Variants in ANKS1B observed in about 807,000 individuals in gnomAD.
ANKS1B encodes ankyrin repeat and sterile alpha motif domain-containing protein 1B.
A neutral mutation model predicts 148.3 loss-of-function variants in ANKS1B; 36 were observed. The observed-to-expected ratio is 0.24, with a 90% confidence interval of 0.19 to 0.32. ANKS1B has a LOEUF of 0.32. Ranked by LOEUF, ANKS1B falls within the 10% of genes least tolerant of loss-of-function variation. The pLI, the probability that ANKS1B is intolerant of heterozygous loss-of-function variation, is 1.00. For missense variants in ANKS1B, 1,157 were observed against 1,542.6 expected (o/e 0.75, Z 4.19); for synonymous variants, 542 against 560.8 (o/e 0.97, Z 0.47).
intron 12 of ANKS1B, among the ~76,000 whole-genome samples, chr12:99,256,945 A>C (rs563167299): frequency 3.9e-5 from 6 of 152,232 alleles, no homozygotes; most frequent in Non-Finnish European, 8.8e-5. Flanking sequence ...TACATTTTTT[A>C]AAAAAATTAT....
At chr12:99,613,514 T>C (rs977260006) in intron 9 of ANKS1B, among the ~76,000 whole-genome samples, 1 of 151,996 alleles carries the variant, frequency 6.6e-6, no homozygotes, top group African/African-American at 2.4e-5. Context: ...CAGAATACCA[T>C]GCAGCCATAA....
chr12:99,517,979 T>C (rs1044764231), intron 9 of ANKS1B, among the ~76,000 whole-genome samples: 1 of 152,308 alleles, frequency 6.6e-6, no homozygotes, highest in East Asian at 1.9e-4. Context: ...GAAATGATCA[T>C]ATGGTTTTTA....
chr12:99,537,886 T>C (rs1018292540), intron 9 of ANKS1B, among the ~76,000 whole-genome samples: 16 of 152,160 alleles, frequency 1.1e-4, no homozygotes, highest in Non-Finnish European at 7.4e-5. Context: ...GTTTCATGGT[T>C]TGAGGGATTT....
chr12:99,292,472 G>A (rs1382683158), intron 12 of ANKS1B, among the ~76,000 whole-genome samples: 7 of 149,678 alleles, frequency 4.7e-5, no homozygotes, highest in Non-Finnish European at 8.9e-5. Context: ...CCAAAATCAC[G>A]CCACTGCACT....
intron 8 of ANKS1B, among the ~76,000 whole-genome samples, chr12:99,732,367 A>G (rs1167961552): frequency 6.6e-6 from 1 of 152,228 alleles, no homozygotes; most frequent in African/African-American, 2.4e-5. Flanking sequence ...TATTAATTAC[A>G]GCCAAAATCT....
At chr12:99,723,531 C>T (rs1044438783) in intron 8 of ANKS1B, among the ~76,000 whole-genome samples, 2 of 152,112 alleles carry the variant, frequency 1.3e-5, no homozygotes, top group Non-Finnish European at 2.9e-5. Flanking sequence ...TGACCACAGT[C>T]TCTGAGGACC....
chr12:99,271,690 A>ATATG (rs2077063980), intron 12 of ANKS1B, among the ~76,000 whole-genome samples: 1 of 143,958 alleles, frequency 6.9e-6, no homozygotes, highest in South Asian at 2.1e-4. Context: ...ATATATATAT[A>ATATG]TATTTACTAA....
intron 12 of ANKS1B, among the ~76,000 whole-genome samples, chr12:99,369,007 C>G (rs11836299): frequency 6.6e-6 from 1 of 151,948 alleles, no homozygotes; most frequent in Non-Finnish European, 1.5e-5. Context: ...TAAACCCTTA[C>G]GTGAAAGTTC....
At chr12:98,985,003 T>G (rs1000802623) in intron 17 of ANKS1B, among the ~76,000 whole-genome samples, 2 of 152,248 alleles carry the variant, frequency 1.3e-5, no homozygotes, top group Non-Finnish European at 2.9e-5. Flanking sequence ...AAAGTGAGAC[T>G]GTCTCAATCA....
intron 17 of ANKS1B, among the ~76,000 whole-genome samples, chr12:98,952,094 T>A (rs1444796728): frequency 6.6e-6 from 1 of 152,226 alleles, no homozygotes; most frequent in East Asian, 1.9e-4. Context: ...GAGAACTGCA[T>A]ATAAACTGCA....
rs549832662 is a variant in ANKS1B at position 99,495,700 on chromosome 12, G to T, written c.1438+8776C>A. ...TTGTGTGTAAAATAATGCTTCCATG[G>T]GGCTCAAAAATAGTTTGCTCTCTTA... On this transcript the variant is annotated intron_variant, in intron 10 of 26. Coordinates refer to ENST00000683438, the MANE Select transcript of ANKS1B (RefSeq NM_001352186.2). Among the ~76,000 whole-genome samples the T allele has an allele frequency of 2.6e-5, 4 of 152,170 alleles. No individual in the cohort carries two copies. In the South Asian group the frequency reaches 8.3e-4, roughly 32 times the overall value.
At chr12:99,661,184 T>C (rs1046241301) in intron 8 of ANKS1B, among the ~76,000 whole-genome samples, 7 of 152,166 alleles carry the variant, frequency 4.6e-5, no homozygotes, top group Admixed American at 3.9e-4. Context: ...CAAATCTTCA[T>C]GATTTAGCAG....
intron 8 of ANKS1B, among the ~76,000 whole-genome samples, chr12:99,715,231 C>G (rs572322126): frequency 6.6e-6 from 1 of 152,178 alleles, no homozygotes; most frequent in African/African-American, 2.4e-5. Context: ...GTAACCTGCA[C>G]GTACACATCC....
chr12:99,338,279 A>G (rs1302230155), intron 12 of ANKS1B, among the ~76,000 whole-genome samples: 2 of 152,074 alleles, frequency 1.3e-5, no homozygotes, highest in East Asian at 3.9e-4. Context: ...CCTTTCCTCA[A>G]GCAGTAGTCT....
At chr12:98,937,253 T>C (rs927367169) in intron 17 of ANKS1B, among the ~76,000 whole-genome samples, 2 of 152,208 alleles carry the variant, frequency 1.3e-5, no homozygotes, top group African/African-American at 2.4e-5. Flanking sequence ...GGACATAGCA[T>C]TACATTTATG....
intron 12 of ANKS1B, among the ~76,000 whole-genome samples, chr12:99,374,986 T>C (rs1405533606): frequency 6.6e-6 from 1 of 152,236 alleles, no homozygotes; most frequent in Non-Finnish European, 1.5e-5. Context: ...TAATGACGGC[T>C]ACCTCCCAAT....
intron 9 of ANKS1B, among the ~76,000 whole-genome samples, chr12:99,579,427 G>A (rs537143985): frequency 2.8e-4 from 43 of 152,234 alleles, no homozygotes; most frequent in Non-Finnish European, 1.5e-4. Context: ...TACAGAATGG[G>A]AGAAAATATT....
chr12:99,727,298 A>G lies in ANKS1B; in HGVS notation c.1128+45624T>C, dbSNP rs1222594046. Reference sequence around the variant, plus strand: ...TAAGCAACTTTGGCAAAGTCTCAAGATACAAAATCAATGTGCAAAAATCAC... The same window carrying G: ...TAAGCAACTTTGGCAAAGTCTCAAGGTACAAAATCAATGTGCAAAAATCAC... On this transcript the variant is annotated intron_variant, in intron 8 of 26. Transcript: ENST00000683438. Among the ~76,000 whole-genome samples, 5 of 152,236 alleles carry G rather than the reference A, an allele frequency of 3.3e-5. 1 individual carries two copies. Among genetic ancestry groups the G allele is most frequent in the Admixed American group, 3.3e-4 (5 of 15,284 alleles).
chr12:99,369,788 A>AGATAGATG (rs770146685), intron 12 of ANKS1B, among the ~76,000 whole-genome samples: 87 of 103,904 alleles, frequency 8.4e-4, no homozygotes, highest in African/African-American at 3.7e-3. Flanking sequence ...ATAGATAGAT[A>AGATAGATG]GATGGACGGA....
Sources: allele counts gnomAD v4.1 joint callset (sites outside exome capture counted in the v4.1 genomes callset), GRCh38; gene constraint gnomAD v4.1.1; transcripts MANE v1.5; gene names NCBI Gene and HGNC (gene_info 2026-07-23, HGNC 2026-07-21).